Variants in SYTL3 observed in about 807,000 individuals in gnomAD.
SYTL3 encodes the protein synaptotagmin like 3, also known as synaptotagmin-like protein 3.
In SYTL3, 88 loss-of-function variants were observed where a neutral mutation model predicts 82.1. The observed-to-expected ratio is 1.07, with a 90% CI of 0.90 to 1.28. SYTL3 has a LOEUF of 1.28. SYTL3 is among the 50% of genes most tolerant of loss of function. The pLI is 0.00. For missense variants in SYTL3, 831 were observed against 757.6 expected, an observed-to-expected ratio of 1.10 and a Z score of -1.14; for synonymous variants, 311 against 289.4, an observed-to-expected ratio of 1.07 and a Z score of -0.76.
chr6:158,729,566 C>CTTTTTTT (rs34172320), intron 11 of SYTL3, among the ~76,000 whole-genome samples: 1 of 132,908 alleles, frequency 7.5e-6, no homozygotes, highest in Non-Finnish European at 1.6e-5. Context: ...CTTTCTTTTT[C>CTTTTTTT]TTTTTTTTTT....
At chr6:158,701,562 G>A (rs1406933737) in intron 6 of SYTL3, among the ~76,000 whole-genome samples, 6 of 138,944 alleles carry the variant, frequency 4.3e-5, no homozygotes, top group South Asian at 2.3e-4. Flanking sequence ...GGGAGGAGGC[G>A]TGGGGAGAGG....
intron 12 of SYTL3, among the ~76,000 whole-genome samples, chr6:158,749,508 T>A (rs1433569006): frequency 2.6e-5 from 1 of 38,492 alleles, no homozygotes; most frequent in Non-Finnish European, 6.2e-5. Context: ...TCTTTCTCTC[T>A]TTTTTTTTTT....
intron 11 of SYTL3, among the ~76,000 whole-genome samples, chr6:158,736,244 G>A (rs1159790665): frequency 2.0e-5 from 3 of 151,924 alleles, no homozygotes; most frequent in East Asian, 1.9e-4. Context: ...CCAGCTACTC[G>A]GGAGGCTGAG....
chr6:158,731,435 T>C (rs1385789085), intron 11 of SYTL3, among the ~76,000 whole-genome samples: 3 of 151,702 alleles, frequency 2.0e-5, no homozygotes, highest in Admixed American at 6.6e-5. Flanking sequence ...CCCTACCTTG[T>C]GCTGCTAACC....
At chr6:158,744,932 T>A (rs577797539) in intron 11 of SYTL3, among the ~76,000 whole-genome samples, 7 of 152,348 alleles carry the variant, frequency 4.6e-5, no homozygotes, top group Non-Finnish European at 7.3e-5. Flanking sequence ...TCAGATACAA[T>A]TTACTGTTAC....
chr6:158,733,068 T>G (rs1459025974), intron 11 of SYTL3, among the ~76,000 whole-genome samples: 2 of 143,332 alleles, frequency 1.4e-5, no homozygotes, highest in African/African-American at 4.9e-5. Context: ...TAATTTCTTT[T>G]AAAAACTAAC....
At chr6:158,709,380 A>G (rs1002712806) in intron 8 of SYTL3, among the ~76,000 whole-genome samples, 1 of 152,230 alleles carries the variant, frequency 6.6e-6, no homozygotes, top group Admixed American at 6.5e-5. Flanking sequence ...TAAAAATGTT[A>G]TTAATAATAC....
intron 6 of SYTL3, among the ~76,000 whole-genome samples, chr6:158,706,375 C>T (rs565232388): frequency 1.4e-3 from 216 of 152,302 alleles, no homozygotes; most frequent in African/African-American, 4.7e-3. Context: ...ATCTGATTTT[C>T]TTACTGTCCG....
At position 158,663,120 on chromosome 6, in the gene SYTL3, A is replaced by G. The variant is rs1789559275; in HGVS notation, c.-149A>G. 1 of 635,882 alleles carries G rather than the reference A, an allele frequency of 1.6e-6. No homozygotes were observed. The highest frequency in any genetic ancestry group is 1.8e-5 in the African/African-American group (1 of 54,158). The allele number at this position is 635,882 out of a possible 1,614,324, so 39.4% of individuals were successfully genotyped here. On this transcript the variant is annotated 5_prime_UTR_variant, in exon 4 of 18. Coordinates refer to ENST00000611299, the MANE Select transcript of SYTL3 (RefSeq NM_001242394.2). ...CACAGTTAAAAAGGAAAAAAGAACC[A>G]CAAGCAAAACAGTTGCCAGTGAAAT...
At chr6:158,662,393 A>G (rs917881719) in intron 3 of SYTL3, among the ~76,000 whole-genome samples, 4 of 152,254 alleles carry the variant, frequency 2.6e-5, no homozygotes, top group African/African-American at 9.6e-5. Context: ...TGCTTCATAC[A>G]TCCTTAATTG....
chr6:158,743,406 T>C (rs1334763311), intron 11 of SYTL3, among the ~76,000 whole-genome samples: 1 of 152,222 alleles, frequency 6.6e-6, no homozygotes, highest in Non-Finnish European at 1.5e-5. Context: ...GAAAAGTGTG[T>C]GTAACACCAT....
chr6:158,664,968 C>G (rs1303827235), intron 4 of SYTL3, among the ~76,000 whole-genome samples: 1 of 152,112 alleles, frequency 6.6e-6, no homozygotes, highest in Non-Finnish European at 1.5e-5. Flanking sequence ...ATACCCATAG[C>G]AGGATGTATG....
chr6:158,647,533 G>A (rs1484477319), upstream of SYTL3, among the ~76,000 whole-genome samples: 1 of 152,182 alleles, frequency 6.6e-6, no homozygotes, highest in Non-Finnish European at 1.5e-5. Flanking sequence ...AATTCTCTAG[G>A]CTTATGTGAT....
rs181169826 is a variant in SYTL3 at position 158,691,047 on chromosome 6, G to A, written c.394+8058G>A. On this transcript the variant is annotated intron_variant, in intron 6 of 17. Transcript: ENST00000611299. ...TTCTAATTTGGTGGGGCCAGATGGG[G>A]TTCAAGAGTGAATGTTTGGCTAAGG... Among the ~76,000 whole-genome samples the A allele has an allele frequency of 5.0e-3, 762 of 152,200 alleles. 7 individuals are homozygous for A. The highest frequency in any genetic ancestry group is 0.017 in the South Asian group (80 of 4,820).
intron 10 of SYTL3, among the ~76,000 whole-genome samples, chr6:158,720,609 TCTTA>T (rs747136382): frequency 6.6e-6 from 1 of 152,108 alleles, no homozygotes; most frequent in Non-Finnish European, 1.5e-5. Context: ...TGAGTAATTA[TCTTA>T]CTTGCTTGAG....
In SYTL3 at chr6:158,720,372, C is replaced by T. The variant is rs530157102; in HGVS notation, c.720+2161C>T. 4.9e-5 allele frequency among the ~76,000 whole-genome samples: 7 copies of T among 143,912 alleles called. No individual in the cohort carries two copies. The South Asian group carries it at 8.7e-4, about 18-fold the overall frequency. The allele number at this position is 143,912 out of a possible 152,430, so 94.4% of individuals were successfully genotyped here. A position where few individuals can be genotyped will look rare whatever the true frequency, so the allele number is the denominator to read the frequency against. On this transcript the variant is annotated intron_variant, in intron 10 of 17. Coordinates refer to ENST00000611299, the MANE Select transcript of SYTL3 (RefSeq NM_001242394.2). ...TAAGCCGGGATCGTACTGTTATACG[C>T]TCCAGCCTGGGTGACAAGAGTGAAA...
At chr6:158,674,828 A>G (rs1306696731) in intron 5 of SYTL3, among the ~76,000 whole-genome samples, 1 of 152,080 alleles carries the variant, frequency 6.6e-6, no homozygotes, top group Non-Finnish European at 1.5e-5. Flanking sequence ...CGCAGTGTTT[A>G]ATATTGATCA....
chr6:158,685,523 T>C (rs1336107535), intron 6 of SYTL3, among the ~76,000 whole-genome samples: 1 of 151,566 alleles, frequency 6.6e-6, no homozygotes, highest in Non-Finnish European at 1.5e-5. Context: ...TGTGTTTCTT[T>C]AAAATACTTT....
chr6:158,700,866 TTGGCCTCCC>T (rs926550279), intron 6 of SYTL3, among the ~76,000 whole-genome samples: 1 of 152,180 alleles, frequency 6.6e-6, no homozygotes, highest in African/African-American at 2.4e-5. Flanking sequence ...TCTGCCCTCC[TTGGCCTCCC>T]AAGGTGCTGG....
Sources: gnomAD v4.1 joint callset for allele counts (sites outside exome capture counted in the v4.1 genomes callset) on GRCh38, gnomAD v4.1.1 for gene constraint, MANE v1.5 for transcripts, NCBI Gene and HGNC (gene_info 2026-07-23, HGNC 2026-07-21) for gene names.